CNOT7: variants seen among roughly 807,000 people sequenced by gnomAD.
CNOT7 encodes BTG1-binding factor 1.
In CNOT7, 4 loss-of-function variants were observed where a neutral mutation model predicts 37.1. The ratio of observed to expected loss-of-function variants is 0.11; its 90% confidence interval spans 0.05 to 0.25. CNOT7 has a LOEUF of 0.25. CNOT7 is among the 10% of genes least tolerant of loss of function. The pLI is 1.00. For missense variants in CNOT7, 170 were observed against 336.2 expected (o/e 0.51, Z 3.87); for synonymous variants, 128 against 115.6 (o/e 1.11, Z -0.69).
At chr8:17,239,074 T>C (rs1395682296) in intron 3 of CNOT7, among the ~76,000 whole-genome samples, 8 of 152,204 alleles carry the variant, frequency 5.3e-5, no homozygotes, top group Non-Finnish European at 1.2e-4. Context: ...TGCTTTCCCT[T>C]CTTGAGACAG....
intron 3 of CNOT7, among the ~76,000 whole-genome samples, chr8:17,239,785 G>A (rs569685480): frequency 2.8e-4 from 43 of 152,292 alleles, no homozygotes; most frequent in African/African-American, 9.6e-4. Flanking sequence ...GAGCCACCAC[G>A]CCCAGCCTAA....
At chr8:17,243,905 T>G (rs1810530232) in intron 2 of CNOT7, among the ~76,000 whole-genome samples, 1 of 152,176 alleles carries the variant, frequency 6.6e-6, no homozygotes, top group African/African-American at 2.4e-5. Context: ...ATCAACTTGC[T>G]CCTCCCCAAA....
At chr8:17,235,621 G>T (rs545224619) in intron 4 of CNOT7, among the ~76,000 whole-genome samples, 3 of 152,106 alleles carry the variant, frequency 2.0e-5, no homozygotes, top group Non-Finnish European at 2.9e-5. Context: ...ACACTCCCAG[G>T]CCACTTAGAC....
intron 2 of CNOT7, 34 bp from the exon 3 acceptor site, chr8:17,243,219 A>C (rs1407750820): frequency 6.7e-7 from 1 of 1,496,922 alleles, no homozygotes; most frequent in African/African-American, 1.4e-5. Flanking sequence ...TTATGTACTA[A>C]ACAGTCAAAA....
At chr8:17,245,282 A>T in intron 1 of CNOT7, 35 bp from the exon 2 acceptor site, 8 of 901,784 alleles carry the variant, frequency 8.9e-6, no homozygotes, top group Non-Finnish European at 1.2e-5. Flanking sequence ...AAGACCAGAT[A>T]TATCAAATCT....
chr8:17,239,495 A>C (rs1484730235), intron 3 of CNOT7, among the ~76,000 whole-genome samples: 1 of 152,150 alleles, frequency 6.6e-6, no homozygotes, highest in East Asian at 1.9e-4. Flanking sequence ...GCAATCACCA[A>C]AAGTGATTTT....
At position 17,230,302 on chromosome 8, in the gene CNOT7, A is replaced by G. The variant is rs1808453959; in HGVS notation, c.*418T>C. On this transcript the variant is annotated 3_prime_UTR_variant, in exon 7 of 7. Transcript: ENST00000361272. ...AAACACTCTCTAAAGTGCAAAACTG[A>G]TGGTCCACGATCTCAAATAGCTAAA... 6.5e-6 allele frequency: 1 copy of G among 153,090 alleles called. No individual in the cohort carries two copies. The highest frequency in any genetic ancestry group is 1.9e-4 in the East Asian group (1 of 5,210). 9.5% of individuals were successfully genotyped at this position (153,090 alleles called of 1,614,324 possible).
At chr8:17,233,395 G>A (rs1808896653) in intron 5 of CNOT7, among the ~76,000 whole-genome samples, 1 of 152,168 alleles carries the variant, frequency 6.6e-6, no homozygotes, top group Admixed American at 6.5e-5. Context: ...CAGCTGCTTA[G>A]GAGAACAGAA....
At chr8:17,233,311 T>A (rs977590963) in intron 5 of CNOT7, among the ~76,000 whole-genome samples, 8 of 152,204 alleles carry the variant, frequency 5.3e-5, no homozygotes, top group Non-Finnish European at 7.3e-5. Context: ...CTTCTGTGCA[T>A]CACAGCTTGA....
At chr8:17,240,189 T>G (rs1450606607) in intron 3 of CNOT7, among the ~76,000 whole-genome samples, 2 of 152,218 alleles carry the variant, frequency 1.3e-5, no homozygotes, top group African/African-American at 4.8e-5. Context: ...TCCAAATGAC[T>G]TCTTCTACCT....
At chr8:17,244,759 C>A in intron 2 of CNOT7, 1 of 309,020 alleles carries the variant, frequency 3.2e-6, no homozygotes. Context: ...CTAAGACCAC[C>A]TGACACGAGC....
chr8:17,237,853 C>A (rs1160918274), intron 3 of CNOT7, among the ~76,000 whole-genome samples: 1 of 152,226 alleles, frequency 6.6e-6, no homozygotes, highest in Non-Finnish European at 1.5e-5. Flanking sequence ...ATGTCTCATG[C>A]GGATGAGTTA....
Position 17,229,285 on chromosome 8 carries a change from CCTCT to C in CNOT7, c.*1431_*1434del, listed in dbSNP as rs926292774. 4.0e-5 allele frequency: 6 copies of C among 151,590 alleles called. No individual in the cohort carries two copies. Among genetic ancestry groups the C allele is most frequent in the African/African-American group, 1.5e-4 (6 of 41,234 alleles). The allele number at this position is 151,590 out of a possible 1,614,324, so 9.4% of individuals were successfully genotyped here. ...CAAAAGCTTTAAAAACAAATAATAC[CCTCT>C]GTTTTGCAAATAATGTTTTGTTTAA... On this transcript the variant is annotated 3_prime_UTR_variant, in exon 7 of 7. Coordinates refer to ENST00000361272, the MANE Select transcript of CNOT7 (RefSeq NM_013354.7).
intron 4 of CNOT7, among the ~76,000 whole-genome samples, chr8:17,235,343 T>C (rs1324644252): frequency 6.6e-6 from 1 of 152,166 alleles, no homozygotes; most frequent in Non-Finnish European, 1.5e-5. Context: ...GGTCATATAC[T>C]TTATCCAAAG....
chr8:17,236,667 T>C (rs569928183), intron 4 of CNOT7, among the ~76,000 whole-genome samples: 4 of 152,322 alleles, frequency 2.6e-5, no homozygotes, highest in Admixed American at 2.6e-4. Flanking sequence ...TGTTTTGAGA[T>C]AGTACTTATC....
chr8:17,244,075 A>G (rs944917178), intron 2 of CNOT7, among the ~76,000 whole-genome samples: 1 of 152,236 alleles, frequency 6.6e-6, no homozygotes, highest in Non-Finnish European at 1.5e-5. Context: ...GCAATTCAAC[A>G]GCCACTTTAT....
At chr8:17,244,963 T>A (rs752908643) in intron 2 of CNOT7, 73 bp downstream of exon 2, 3 of 1,226,716 alleles carry the variant, frequency 2.4e-6, no homozygotes, top group East Asian at 2.4e-5. Context: ...ACCAAAAGGG[T>A]TGAATTCAAG....
chr8:17,229,802 A>T lies in CNOT7; in HGVS notation c.*918T>A, dbSNP rs1475105255. 6.6e-6 allele frequency: 1 copy of T among 151,658 alleles called. No individual in the cohort carries two copies. Among genetic ancestry groups the T allele is most frequent in the Non-Finnish European group, 1.5e-5 (1 of 67,682 alleles). 9.4% of individuals were successfully genotyped at this position (151,658 alleles called of 1,614,324 possible). A position where few individuals can be genotyped will look rare whatever the true frequency, so the allele number is the denominator to read the frequency against. Reference sequence around the variant, plus strand: ...TTTAATAAAATTGATTTGTGTAACCAACAAATCAAGAGCATCATAAGAATG... The same window carrying T: ...TTTAATAAAATTGATTTGTGTAACCTACAAATCAAGAGCATCATAAGAATG... On this transcript the variant is annotated 3_prime_UTR_variant, in exon 7 of 7. Transcript: ENST00000361272.
At chr8:17,236,606 T>A (rs899541525) in intron 4 of CNOT7, among the ~76,000 whole-genome samples, 1 of 151,620 alleles carries the variant, frequency 6.6e-6, no homozygotes, top group Non-Finnish European at 1.5e-5. Flanking sequence ...CTTATCACTT[T>A]AAAAAAAAAT....
Sources: gnomAD v4.1 joint callset for allele counts (sites outside exome capture counted in the v4.1 genomes callset) on GRCh38, gnomAD v4.1.1 for gene constraint, MANE v1.5 for transcripts, NCBI Gene and HGNC (gene_info 2026-07-23, HGNC 2026-07-21) for gene names.